CLSTN2: variants seen among roughly 807,000 people sequenced by gnomAD.
The protein encoded by CLSTN2 is calsyntenin-2.
In CLSTN2, 48 loss-of-function variants were observed where a neutral mutation model predicts 101.2. That is an observed-to-expected ratio of 0.47 (90% CI 0.38 to 0.60). The LOEUF is 0.60. CLSTN2 is among the 20% of genes least tolerant of loss of function. The pLI, the probability that CLSTN2 is intolerant of heterozygous loss-of-function variation, is 0.00. For missense variants in CLSTN2, 1,160 were observed against 1,238.2 expected (o/e 0.94, Z 0.95); for synonymous variants, 481 against 463.6 (o/e 1.04, Z -0.48).
chr3:140,495,660 C>G (rs1364381316), intron 8 of CLSTN2, among the ~76,000 whole-genome samples: 1 of 152,100 alleles, frequency 6.6e-6, no homozygotes, highest in Non-Finnish European at 1.5e-5. Context: ...AGGAAGGGGT[C>G]CAGTTTCAAT....
chr3:140,044,716 C>T (rs145250071), intron 1 of CLSTN2, among the ~76,000 whole-genome samples: 1,930 of 152,140 alleles, frequency 0.013, 48 homozygotes, highest in African/African-American at 0.042. Flanking sequence ...CAATACCTAA[C>T]TTATTGAGAG....
intron 2 of CLSTN2, among the ~76,000 whole-genome samples, chr3:140,342,267 C>G (rs995828617): frequency 6.6e-6 from 1 of 152,074 alleles, no homozygotes; most frequent in Non-Finnish European, 1.5e-5. Flanking sequence ...CGGCCCCTGC[C>G]CACTAGATGA....
intron 5 of CLSTN2, among the ~76,000 whole-genome samples, chr3:140,426,418 G>T (rs1379138731): frequency 6.6e-6 from 1 of 152,148 alleles, no homozygotes; most frequent in Admixed American, 6.5e-5. Flanking sequence ...GAGGATAATG[G>T]TTTCCAGCTC....
At chr3:140,266,467 A>G (rs199533606) in intron 2 of CLSTN2, among the ~76,000 whole-genome samples, 1 of 152,214 alleles carries the variant, frequency 6.6e-6, no homozygotes, top group Non-Finnish European at 1.5e-5. Flanking sequence ...GCCTTGCTTC[A>G]CAGCCACATT....
At chr3:140,144,976 G>A (rs2009759431) in intron 1 of CLSTN2, among the ~76,000 whole-genome samples, 1 of 152,190 alleles carries the variant, frequency 6.6e-6, no homozygotes, top group Non-Finnish European at 1.5e-5. Flanking sequence ...TCCCCCAGAG[G>A]ACCATTTCCT....
At chr3:140,334,340 C>G (rs2087420333) in intron 2 of CLSTN2, among the ~76,000 whole-genome samples, 2 of 152,130 alleles carry the variant, frequency 1.3e-5, no homozygotes, top group Admixed American at 1.3e-4. Flanking sequence ...TGGCTGTGAC[C>G]TGAGTAAATG....
chr3:140,437,699 A>G (rs2088702421), intron 5 of CLSTN2, among the ~76,000 whole-genome samples: 1 of 152,228 alleles, frequency 6.6e-6, no homozygotes, highest in Non-Finnish European at 1.5e-5. Flanking sequence ...AAGACTTATG[A>G]GCTCTGCATT....
chr3:140,059,273 T>C (rs2008154734), intron 1 of CLSTN2, among the ~76,000 whole-genome samples: 1 of 152,234 alleles, frequency 6.6e-6, no homozygotes. Flanking sequence ...AGAGTGTTAG[T>C]TCTGATTCCC....
chr3:140,438,411 T>A, intron 5 of CLSTN2, among the ~76,000 whole-genome samples: 1 of 84,378 alleles, frequency 1.2e-5, no homozygotes, highest in Non-Finnish European at 2.1e-5. Flanking sequence ...CAGTACCACC[T>A]AGGAAAATGG....
At chr3:140,163,989 G>A (rs1056995305) in intron 1 of CLSTN2, among the ~76,000 whole-genome samples, 1 of 152,034 alleles carries the variant, frequency 6.6e-6, no homozygotes, top group Non-Finnish European at 1.5e-5. Flanking sequence ...TGTTTAAAAT[G>A]CAATGAAGTG....
chr3:140,515,381 A>ATCTT (rs1490263920), intron 8 of CLSTN2, among the ~76,000 whole-genome samples: 2 of 151,488 alleles, frequency 1.3e-5, no homozygotes, highest in Non-Finnish European at 2.9e-5. Context: ...GTCAGCTCTG[A>ATCTT]TCTTTGTTAT....
intron 1 of CLSTN2, among the ~76,000 whole-genome samples, chr3:140,026,785 C>T (rs1181678824): frequency 4.6e-5 from 7 of 152,196 alleles, no homozygotes; most frequent in Admixed American, 2.6e-4. Context: ...GGAGGTGAGA[C>T]CCCCTACTTC....
In CLSTN2 at chr3:140,445,080, C is replaced by A. The variant is rs531582572; in HGVS notation, c.788-3439C>A. On this transcript the variant is annotated intron_variant, in intron 5 of 16. Transcript: ENST00000458420. ...TGCAATTTTGCCTGCTCCTCATAAA[C>A]CCTCAAAAACAAGCCTCTTGAGGTC... Among the ~76,000 whole-genome samples, 19 of 152,312 alleles carry A rather than the reference C, an allele frequency of 1.2e-4. No individual in the cohort carries two copies. The East Asian group carries it at 3.7e-3, about 29-fold the overall frequency.
intron 2 of CLSTN2, among the ~76,000 whole-genome samples, chr3:140,360,262 T>G (rs1466305205): frequency 6.6e-6 from 1 of 152,208 alleles, no homozygotes; most frequent in East Asian, 1.9e-4. Context: ...TAGATGTGAT[T>G]GAGGGTGGCC....
At position 140,323,393 on chromosome 3, in the gene CLSTN2, A is replaced by G. The variant is rs559642574; in HGVS notation, c.233-80236A>G. Reference sequence around the variant, plus strand: ...GGGAAGATAAAATAAGTTAGTATGCAAAGAGATTTTATAAAGCAGTAAGCT... The same window carrying G: ...GGGAAGATAAAATAAGTTAGTATGCGAAGAGATTTTATAAAGCAGTAAGCT... On this transcript the variant is annotated intron_variant, in intron 2 of 16. Coordinates refer to ENST00000458420, the MANE Select transcript of CLSTN2 (RefSeq NM_022131.3). 2.6e-5 allele frequency among the ~76,000 whole-genome samples: 4 copies of G among 152,386 alleles called. No homozygotes were observed. The South Asian group carries it at 8.3e-4, about 32-fold the overall frequency.
chr3:140,283,944 A>G (rs1364557191), intron 2 of CLSTN2, among the ~76,000 whole-genome samples: 1 of 152,170 alleles, frequency 6.6e-6, no homozygotes, highest in Non-Finnish European at 1.5e-5. Context: ...TCAGTGAGTT[A>G]CTTTGCTCTA....
intron 1 of CLSTN2, among the ~76,000 whole-genome samples, chr3:140,059,008 T>G (rs1179720578): frequency 6.6e-6 from 1 of 150,866 alleles, no homozygotes; most frequent in Non-Finnish European, 1.5e-5. Context: ...GGCACCCAAT[T>G]AGCAGAAGTT....
chr3:139,946,084 A>G (rs1026888922), intron 1 of CLSTN2, among the ~76,000 whole-genome samples: 5 of 152,244 alleles, frequency 3.3e-5, no homozygotes, highest in Non-Finnish European at 4.4e-5. Flanking sequence ...TTAAGTAAGT[A>G]CATATATCAA....
intron 9 of CLSTN2, among the ~76,000 whole-genome samples, chr3:140,539,549 TACTC>T (rs1370582897): frequency 6.6e-6 from 1 of 152,222 alleles, no homozygotes; most frequent in Non-Finnish European, 1.5e-5. Flanking sequence ...GTCTCTGAGA[TACTC>T]AGTGGGAGAG....
Sources: allele counts gnomAD v4.1 joint callset (sites outside exome capture counted in the v4.1 genomes callset), GRCh38; gene constraint gnomAD v4.1.1; transcripts MANE v1.5; gene names NCBI Gene and HGNC (gene_info 2026-07-23, HGNC 2026-07-21).